Variants in SEC31A observed in about 807,000 individuals in gnomAD.
The protein encoded by SEC31A is protein transport protein Sec31A.
Under a neutral mutation model 151.0 loss-of-function variants are expected in SEC31A, and 70 were observed. The ratio of observed to expected loss-of-function variants is 0.46; its 90% CI spans 0.38 to 0.57. The LOEUF is 0.57. Ranked by LOEUF, SEC31A falls within the 20% of genes least tolerant of loss-of-function variation. The pLI, the probability that SEC31A is intolerant of heterozygous loss-of-function variation, is 0.00. For missense variants in SEC31A, 1,330 were observed against 1,471.2 expected (o/e 0.90, Z 1.57); for synonymous variants, 475 against 505.9 (o/e 0.94, Z 0.82).
chr4:82,827,937 T>C (rs1420337342), intron 23 of SEC31A, among the ~76,000 whole-genome samples: 4 of 151,434 alleles, frequency 2.6e-5, no homozygotes, highest in African/African-American at 9.7e-5. Context: ...TTTTTTGAGA[T>C]AGAGTCCCGC....
upstream of SEC31A, chr4:82,891,402 G>A (rs986706832): frequency 1.4e-5 from 8 of 588,722 alleles, no homozygotes; most frequent in African/African-American, 1.1e-4. Context: ...CTGAGGGGCG[G>A]CGCGCAGAAT....
In SEC31A at chr4:82,827,345, C is replaced by A. The variant is rs772933745; in HGVS notation, c.3291+24G>T. 5.6e-6 allele frequency: 9 copies of A among 1,606,540 alleles called. No individual in the cohort carries two copies. The South Asian group carries it at 6.6e-5, about 12-fold the overall frequency. On this transcript the variant is annotated intron_variant, in intron 24 of 26. Transcript: ENST00000395310. Reference sequence around the variant, plus strand: ...ACTGAAACACAGCCATCTTCCCATTCCACTTCTACAAATTTACTGTTACCT... The same window carrying A: ...ACTGAAACACAGCCATCTTCCCATTACACTTCTACAAATTTACTGTTACCT...
At chr4:82,864,226 G>T (rs1036166092) in intron 11 of SEC31A, 136 bp downstream of exon 11, 4 of 661,690 alleles carry the variant, frequency 6.0e-6, no homozygotes, top group Non-Finnish European at 1.0e-5. Flanking sequence ...TCTTTATAAG[G>T]CTTCTTAATT....
At chr4:82,870,284 C>A (rs747600810) in intron 8 of SEC31A, 41 bp downstream of exon 8, 2 of 1,472,254 alleles carry the variant, frequency 1.4e-6, no homozygotes, top group South Asian at 2.3e-5. Context: ...AAGTAACATA[C>A]TATAAGGGCT....
At chr4:82,894,382 T>C (rs1377317300), upstream of SEC31A, 1 of 152,236 alleles carries the variant, frequency 6.6e-6, no homozygotes. Context: ...AAAATTTCCA[T>C]TGAAAGCTCT....
Position 82,851,546 on chromosome 4 carries a change from T to A in SEC31A, c.2213A>T (p.Asp738Val). 6.2e-7 allele frequency: 1 copy of A among 1,613,440 alleles called. No homozygotes were observed. Among genetic ancestry groups the A allele is most frequent in the Non-Finnish European group, 8.5e-7 (1 of 1,179,566 alleles). Reference sequence around the variant, plus strand: ...CAAGAGAACTCCTACAGTACTAGTGTCCATGGCTTGAGTGAGTTGCACAGC... The same window carrying A: ...CAAGAGAACTCCTACAGTACTAGTGACCATGGCTTGAGTGAGTTGCACAGC... ...RKAVQLTQAM[D>V]TSTVGVLLAA... Residue 738 changes from aspartate to valine, a missense_variant, in exon 19 of 27, where the codon GAC becomes GTC. Transcript: ENST00000395310.
At chr4:82,861,251 C>G in intron 14 of SEC31A, among the ~76,000 whole-genome samples, 1 of 152,078 alleles carries the variant, frequency 6.6e-6, no homozygotes, top group Non-Finnish European at 1.5e-5. Flanking sequence ...ATTCAGAGGC[C>G]TATTAGCCAC....
In SEC31A at chr4:82,842,384, A is replaced by T. The variant is rs1325439198; in HGVS notation, c.2724T>A (p.Pro908=). The change falls in exon 22 of 27, where the codon CCT becomes CCA. Residue 908 remains proline (P), a synonymous_variant. Transcript: ENST00000395310. ...AAGCAGAAGATATGTAAGGGGTGTT[A>T]GGGTAAGCGTTTGAAGTAGGAGGAG... is the stretch of plus-strand genomic sequence containing the variant. ...PVAPPTSNAY[P]NTPYISSASS... The T allele has an allele frequency of 6.2e-7, 1 of 1,613,992 alleles. No homozygotes were observed. Among genetic ancestry groups the T allele is most frequent in the Admixed American group, 1.7e-5 (1 of 59,982 alleles).
chr4:82,892,741 G>T (rs879102037), upstream of SEC31A, among the ~76,000 whole-genome samples: 33 of 152,130 alleles, frequency 2.2e-4, no homozygotes, highest in Admixed American at 1.0e-3. Flanking sequence ...TTTTTTGGGG[G>T]GGGGGGCACA....
chr4:82,828,967 G>A (rs1467116337), intron 23 of SEC31A, 33 bp downstream of exon 23: 1 of 1,576,130 alleles, frequency 6.3e-7, no homozygotes. Flanking sequence ...CATAACATCT[G>A]TAGGCCATTG....
intron 20 of SEC31A, 113 bp from the exon 21 acceptor site, chr4:82,844,622 T>G (rs185629368): frequency 9.2e-7 from 1 of 1,083,566 alleles, no homozygotes; most frequent in Non-Finnish European, 1.3e-6. Flanking sequence ...AAAAACTTTA[T>G]TGCATAAGAA....
intron 1 of SEC31A, 55 bp downstream of exon 1, chr4:82,891,033 C>T: frequency 6.5e-7 from 1 of 1,534,874 alleles, no homozygotes; most frequent in Non-Finnish European, 8.7e-7. Context: ...GGCCTGGGCT[C>T]TACCTCAAAG....
chr4:82,826,375 A>G (rs1724564884), intron 24 of SEC31A, among the ~76,000 whole-genome samples: 1 of 150,206 alleles, frequency 6.7e-6, no homozygotes, highest in Non-Finnish European at 1.5e-5. Flanking sequence ...TGTTGTTGAG[A>G]CGGAGTCTCG....
intron 19 of SEC31A, among the ~76,000 whole-genome samples, chr4:82,850,964 C>T (rs1731326573): frequency 6.6e-6 from 1 of 152,176 alleles, no homozygotes; most frequent in African/African-American, 2.4e-5. Flanking sequence ...TAAAAATATA[C>T]TTGCCCACAG....
chr4:82,895,594 G>A (rs963365646), upstream of SEC31A: 1 of 152,196 alleles, frequency 6.6e-6, no homozygotes, highest in Non-Finnish European at 1.5e-5. Context: ...TTAATTCAGA[G>A]TACAGTATCC....
Position 82,842,333 on chromosome 4 carries a change from C to T in SEC31A, c.2775G>A (p.Leu925=). Residue 925 remains leucine (L), a synonymous_variant, in exon 22 of 27, where the codon CTG becomes CTA. Transcript: ENST00000395310. ...AAGAGGCCTGGTGCTGTGCTGCGTA[C>T]AGCTGAGACTGCCCAGTATAGGAAG... ...SASSYTGQSQ[L]YAAQHQASSP... is the part of the protein sequence containing the mutation. 1.2e-6 allele frequency: 2 copies of T among 1,613,572 alleles called. No homozygotes were observed. The highest frequency in any genetic ancestry group is 1.7e-6 in the Non-Finnish European group (2 of 1,179,764).
At chr4:82,893,823 C>A (rs1490646147), upstream of SEC31A, 7 of 152,282 alleles carry the variant, frequency 4.6e-5, no homozygotes, top group African/African-American at 1.7e-4. Flanking sequence ...ATGATACCAG[C>A]TATTTAGTCC....
At chr4:82,835,961 C>T (rs72927460) in intron 22 of SEC31A, among the ~76,000 whole-genome samples, 3,247 of 152,200 alleles carry the variant, frequency 0.021, 125 homozygotes, top group African/African-American at 0.074. Context: ...CTGAAACACT[C>T]GTGCATTCCT....
chr4:82,821,319 C>T (rs1723264267), intron 25 of SEC31A: 4 of 473,208 alleles, frequency 8.5e-6, no homozygotes, highest in Admixed American at 7.2e-5. Context: ...GAGACCAAGG[C>T]AGGCAAATCA....
Sources: gnomAD v4.1 joint callset for allele counts (sites outside exome capture counted in the v4.1 genomes callset) on GRCh38, gnomAD v4.1.1 for gene constraint, MANE v1.5 for transcripts, NCBI Gene and HGNC (gene_info 2026-07-23, HGNC 2026-07-21) for gene names.